The following TMIGD3 variants were observed in gnomAD, a reference collection of about 807,000 sequenced individuals.
TMIGD3 encodes transmembrane and immunoglobulin domain containing 3, also known as AD026 protein (AD026).
Under a neutral mutation model 28.1 loss-of-function variants are expected in TMIGD3, and 21 were observed. The ratio of observed to expected loss-of-function variants is 0.75; its 90% CI spans 0.53 to 1.08. The LOEUF is 1.08. Among genes scored for constraint, TMIGD3 ranks in the 50% least tolerant of loss-of-function variants. The pLI, the probability that TMIGD3 is intolerant of heterozygous loss-of-function variation, is 0.00. For missense variants in TMIGD3, 416 were observed against 435.6 expected (o/e 0.96, Z 0.40); for synonymous variants, 151 against 162.1 (o/e 0.93, Z 0.52).
At chr1:111,489,678 C>T (rs978973506) in intron 2 of TMIGD3, 1 of 1,081,952 alleles carries the variant, frequency 9.2e-7, no homozygotes, top group Non-Finnish European at 1.1e-6. Context: ...TTAGGAGGCC[C>T]TCTGTCCCTA....
At chr1:111,528,788 A>G (rs1656353570) in intron 1 of TMIGD3, among the ~76,000 whole-genome samples, 1 of 152,084 alleles carries the variant, frequency 6.6e-6, no homozygotes, top group Non-Finnish European at 1.5e-5. Flanking sequence ...TATAAATAGT[A>G]TTGTGTTTTT....
intron 1 of TMIGD3, among the ~76,000 whole-genome samples, chr1:111,534,442 A>G (rs1388681414): frequency 6.6e-6 from 1 of 152,224 alleles, no homozygotes; most frequent in African/African-American, 2.4e-5. Context: ...CTGAGCTCCT[A>G]AAGGACAGGA....
intron 1 of TMIGD3, among the ~76,000 whole-genome samples, chr1:111,551,266 T>C (rs997940340): frequency 3.3e-5 from 5 of 152,210 alleles, no homozygotes; most frequent in Non-Finnish European, 7.3e-5. Context: ...GGCTTACGTG[T>C]GCCATTTTGC....
At chr1:111,563,140 T>A (rs967456186) in intron 1 of TMIGD3, among the ~76,000 whole-genome samples, 3 of 152,152 alleles carry the variant, frequency 2.0e-5, no homozygotes, top group African/African-American at 7.2e-5. Context: ...CTGGGCACAG[T>A]GGCATGTGCC....
At chr1:111,555,068 C>T (rs1657426828) in intron 1 of TMIGD3, among the ~76,000 whole-genome samples, 1 of 151,732 alleles carries the variant, frequency 6.6e-6, no homozygotes, top group Non-Finnish European at 1.5e-5. Flanking sequence ...AAGAGGCTAT[C>T]AAAAATGATC....
chr1:111,561,885 C>A (rs1258774822), intron 1 of TMIGD3, among the ~76,000 whole-genome samples: 1 of 152,076 alleles, frequency 6.6e-6, no homozygotes, highest in Non-Finnish European at 1.5e-5. Context: ...TTGGCCCGGA[C>A]TTTTTCAACA....
intron 1 of TMIGD3, among the ~76,000 whole-genome samples, chr1:111,526,416 C>T (rs1042143574): frequency 6.6e-6 from 1 of 152,158 alleles, no homozygotes; most frequent in Non-Finnish European, 1.5e-5. Flanking sequence ...CTTCTCTCTC[C>T]TGCTGCCATG....
chr1:111,538,318 C>T (rs571478412), intron 1 of TMIGD3, among the ~76,000 whole-genome samples: 12 of 152,302 alleles, frequency 7.9e-5, no homozygotes, highest in Admixed American at 7.2e-4. Flanking sequence ...GGCATTTGAG[C>T]TGGGAAGTTT....
At chr1:111,493,603 CAT>C (rs1654761831) in intron 1 of TMIGD3, among the ~76,000 whole-genome samples, 2 of 152,200 alleles carry the variant, frequency 1.3e-5, no homozygotes, top group South Asian at 4.1e-4. Flanking sequence ...CAGACTAAGA[CAT>C]AGTCACTCTA....
At chr1:111,502,175 A>T (rs1214735235) in intron 1 of TMIGD3, among the ~76,000 whole-genome samples, 11 of 32,982 alleles carry the variant, frequency 3.3e-4, no homozygotes, top group East Asian at 8.4e-4. Context: ...TATTATAATA[A>T]ATATATAGGA....
intron 1 of TMIGD3, among the ~76,000 whole-genome samples, chr1:111,496,658 T>C (rs1044412664): frequency 6.6e-6 from 1 of 152,250 alleles, no homozygotes. Flanking sequence ...GAACCACTTG[T>C]AGTCTGGTGC....
intron 1 of TMIGD3, among the ~76,000 whole-genome samples, chr1:111,513,108 G>C (rs116668708): frequency 6.6e-6 from 1 of 152,198 alleles, no homozygotes; most frequent in African/African-American, 2.4e-5. Context: ...CAGCCCCCAA[G>C]AGCCACCCAG....
At chr1:111,487,059 C>T (rs1169910243) in intron 3 of TMIGD3, among the ~76,000 whole-genome samples, 1 of 152,210 alleles carries the variant, frequency 6.6e-6, no homozygotes, top group Admixed American at 6.5e-5. Flanking sequence ...TAAAGAACTG[C>T]TCATTTCGTG....
At chr1:111,485,496 C>G in intron 5 of TMIGD3, 50 of 378,208 alleles carry the variant, frequency 1.3e-4, no homozygotes, top group East Asian at 3.9e-4. Context: ...TGTCTCAGGA[C>G]CTCCTTCCTT....
At chr1:111,521,345 G>A (rs1471680722) in intron 1 of TMIGD3, among the ~76,000 whole-genome samples, 3 of 152,122 alleles carry the variant, frequency 2.0e-5, no homozygotes, top group African/African-American at 7.2e-5. Flanking sequence ...TAAAGAAATT[G>A]CCAAATTTTC....
chr1:111,509,275 C>T (rs1655614446), intron 1 of TMIGD3, among the ~76,000 whole-genome samples: 1 of 152,226 alleles, frequency 6.6e-6, no homozygotes, highest in Non-Finnish European at 1.5e-5. Context: ...TATCCTTCCC[C>T]TCTTGTGAGC....
chr1:111,498,818 G>T (rs1275395327), intron 1 of TMIGD3, among the ~76,000 whole-genome samples: 4 of 152,192 alleles, frequency 2.6e-5, no homozygotes, highest in African/African-American at 9.6e-5. Flanking sequence ...AGGTGCAATG[G>T]TTCACACCTG....
intron 1 of TMIGD3, among the ~76,000 whole-genome samples, chr1:111,521,768 C>T (rs920761373): frequency 6.6e-6 from 1 of 152,130 alleles, no homozygotes; most frequent in East Asian, 1.9e-4. Flanking sequence ...AAGATTTCAT[C>T]TTTACTGTTA....
intron 2 of TMIGD3, chr1:111,489,732 G>C: frequency 1.1e-5 from 12 of 1,047,422 alleles, no homozygotes; most frequent in Non-Finnish European, 1.4e-5. Context: ...AGTGATGTTT[G>C]GAGGCTTCTG....
Sources: gnomAD v4.1 joint callset for allele counts (sites outside exome capture counted in the v4.1 genomes callset) on GRCh38, gnomAD v4.1.1 for gene constraint, MANE v1.5 for transcripts, NCBI Gene and HGNC (gene_info 2026-07-23, HGNC 2026-07-21) for gene names.